Variants in FOXN3 observed in about 807,000 individuals in gnomAD.
FOXN3 encodes the protein forkhead box protein N3.
FOXN3 carries 7 observed loss-of-function variants against 38.4 expected under a neutral mutation model. The ratio of observed to expected loss-of-function variants is 0.18; its 90% CI spans 0.10 to 0.34. The LOEUF is 0.34. FOXN3 is among the 10% of genes least tolerant of loss of function. The probability of loss-of-function intolerance (pLI) is 1.00; values close to 1 mark genes in which losing one functional copy is unlikely to be tolerated. For synonymous variants in FOXN3, 230 were observed against 242.2 expected, an observed-to-expected ratio of 0.95 and a Z score of 0.47; for missense variants, 456 against 613.4, an observed-to-expected ratio of 0.74 and a Z score of 2.71.
chr14:89,288,277 G>A (rs1886698597), intron 3 of FOXN3, among the ~76,000 whole-genome samples: 1 of 152,056 alleles, frequency 6.6e-6, no homozygotes, highest in South Asian at 2.1e-4. Flanking sequence ...ATTACTCAGA[G>A]GGCAATGCAC....
chr14:89,251,237 C>T (rs747670024), intron 4 of FOXN3, among the ~76,000 whole-genome samples: 46 of 152,190 alleles, frequency 3.0e-4, no homozygotes, highest in African/African-American at 5.1e-4. Context: ...ATTTCTCAGA[C>T]GCCTCCTACA....
In FOXN3 at chr14:89,159,137, G is replaced by A. The variant is rs1311187122; in HGVS notation, c.*3277C>T. 1.3e-5 allele frequency: 2 copies of A among 152,644 alleles called. No individual in the cohort carries two copies. Among genetic ancestry groups the A allele is most frequent in the African/African-American group, 2.4e-5 (1 of 41,438 alleles). The allele number at this position is 152,644 out of a possible 1,614,324, so 9.5% of individuals were successfully genotyped here. On this transcript the variant is annotated 3_prime_UTR_variant, in exon 6 of 6. Transcript: ENST00000557258. ...ATTCTCTACTGCTCTTGGAGGAGGGGATAAGAGAGGGTGCCTCCTGCCCCT... is the reference window on the plus strand; with the variant it reads ...ATTCTCTACTGCTCTTGGAGGAGGGAATAAGAGAGGGTGCCTCCTGCCCCT...
chr14:89,487,808 A>C (rs1029071749), intron 1 of FOXN3, among the ~76,000 whole-genome samples: 6 of 152,182 alleles, frequency 3.9e-5, no homozygotes, highest in African/African-American at 1.4e-4. Context: ...GAGAGTGTCA[A>C]GACAAAGGAG....
chr14:89,246,388 G>A (rs976761424), intron 4 of FOXN3, among the ~76,000 whole-genome samples: 2 of 152,000 alleles, frequency 1.3e-5, no homozygotes, highest in Non-Finnish European at 2.9e-5. Flanking sequence ...GCCTAGGGTA[G>A]AGACCCCTCA....
intron 1 of FOXN3, among the ~76,000 whole-genome samples, chr14:89,595,073 T>A (rs934254554): frequency 1.3e-4 from 19 of 151,928 alleles, no homozygotes; most frequent in Non-Finnish European, 2.4e-4. Flanking sequence ...TCCCAGCACT[T>A]TGGGAGGCCG....
chr14:89,489,186 C>T (rs1372402565), intron 1 of FOXN3, among the ~76,000 whole-genome samples: 2 of 152,156 alleles, frequency 1.3e-5, no homozygotes, highest in Admixed American at 1.3e-4. Flanking sequence ...CACTAAACCC[C>T]CTGAACCTCA....
chr14:89,531,758 G>A (rs1312202719), intron 1 of FOXN3, among the ~76,000 whole-genome samples: 1 of 152,184 alleles, frequency 6.6e-6, no homozygotes, highest in African/African-American at 2.4e-5. Context: ...CTACGCTGCT[G>A]GTTCTGGACA....
At chr14:89,604,232 CACA>C (rs1896219377) in intron 1 of FOXN3, among the ~76,000 whole-genome samples, 1 of 147,472 alleles carries the variant, frequency 6.8e-6, no homozygotes, top group African/African-American at 2.5e-5. Context: ...CACACACACA[CACA>C]CACACGTGCG....
At chr14:89,524,750 A>G (rs1894402259) in intron 1 of FOXN3, among the ~76,000 whole-genome samples, 3 of 152,216 alleles carry the variant, frequency 2.0e-5, no homozygotes, top group Admixed American at 2.0e-4. Flanking sequence ...CAATTTTAAA[A>G]AAGTAGGCTT....
rs1478616348 is a variant in FOXN3 at position 89,360,779 on chromosome 14, C to T, written c.544-9971G>A. On this transcript the variant is annotated intron_variant, in intron 2 of 5. Transcript: ENST00000557258. Reference sequence around the variant, plus strand: ...CCACCTCCACCACTACCACCTCCACCACCACCTCCACCACCACCACCTCCA... The same window carrying T: ...CCACCTCCACCACTACCACCTCCACTACCACCTCCACCACCACCACCTCCA... Among the ~76,000 whole-genome samples, 60 of 94,922 alleles carry T rather than the reference C, an allele frequency of 6.3e-4. 1 individual carries two copies. The highest frequency in any genetic ancestry group is 1.1e-3 in the East Asian group (4 of 3,710). 62.3% of individuals were successfully genotyped at this position (94,922 alleles called of 152,430 possible). A position where few individuals can be genotyped will look rare whatever the true frequency, so the allele number is the denominator to read the frequency against.
chr14:89,596,446 A>T (rs1896058738), intron 1 of FOXN3, among the ~76,000 whole-genome samples: 1 of 152,046 alleles, frequency 6.6e-6, no homozygotes, highest in Non-Finnish European at 1.5e-5. Context: ...CTTGTTTAGG[A>T]TTTTAAAATT....
chr14:89,567,310 G>C (rs1159782892), intron 1 of FOXN3, among the ~76,000 whole-genome samples: 1 of 152,160 alleles, frequency 6.6e-6, no homozygotes, highest in Non-Finnish European at 1.5e-5. Context: ...AGCATCTACT[G>C]CAAGCAGATA....
At chr14:89,536,304 A>G (rs1382093182) in intron 1 of FOXN3, among the ~76,000 whole-genome samples, 1 of 152,206 alleles carries the variant, frequency 6.6e-6, no homozygotes, top group East Asian at 1.9e-4. Context: ...CTAAAATGTA[A>G]GTAATAGCAA....
intron 3 of FOXN3, among the ~76,000 whole-genome samples, chr14:89,337,575 C>T (rs934600426): frequency 5.9e-5 from 9 of 151,846 alleles, no homozygotes; most frequent in African/African-American, 2.2e-4. Context: ...ATGAACAAGA[C>T]AAAGCTGGAG....
intron 3 of FOXN3, among the ~76,000 whole-genome samples, chr14:89,325,743 C>T (rs1401798306): frequency 6.6e-6 from 1 of 152,198 alleles, no homozygotes; most frequent in Non-Finnish European, 1.5e-5. Flanking sequence ...CAGGCCCTGA[C>T]ATCACAGAGC....
At chr14:89,327,765 C>A (rs186477462) in intron 3 of FOXN3, among the ~76,000 whole-genome samples, 15 of 152,174 alleles carry the variant, frequency 9.9e-5, no homozygotes, top group Non-Finnish European at 1.6e-4. Context: ...TACAATAAAT[C>A]CTCCTCACAA....
intron 1 of FOXN3, among the ~76,000 whole-genome samples, chr14:89,553,798 T>C (rs1333548392): frequency 6.6e-6 from 1 of 152,148 alleles, no homozygotes; most frequent in Non-Finnish European, 1.5e-5. Context: ...GTCAGGACTT[T>C]TTGGTTCATC....
At chr14:89,572,263 G>A (rs928119192) in intron 1 of FOXN3, among the ~76,000 whole-genome samples, 2 of 152,180 alleles carry the variant, frequency 1.3e-5, no homozygotes, top group Non-Finnish European at 1.5e-5. Flanking sequence ...TAGGTTTAAT[G>A]TACTCAGAGA....
chr14:89,491,317 G>A (rs1025364019), intron 1 of FOXN3, among the ~76,000 whole-genome samples: 1 of 152,174 alleles, frequency 6.6e-6, no homozygotes, highest in Non-Finnish European at 1.5e-5. Flanking sequence ...TATGATCATT[G>A]ACAAATAAAT....
Sources: gnomAD v4.1 joint callset for allele counts (sites outside exome capture counted in the v4.1 genomes callset) on GRCh38, gnomAD v4.1.1 for gene constraint, MANE v1.5 for transcripts, NCBI Gene and HGNC (gene_info 2026-07-23, HGNC 2026-07-21) for gene names.